BCO1: variants seen among roughly 807,000 people sequenced by gnomAD.
BCO1 encodes the protein beta-carotene oxygenase 1.
Under a neutral mutation model 56.3 loss-of-function variants are expected in BCO1, and 54 were observed. That is an observed-to-expected ratio of 0.96 (90% CI 0.77 to 1.20). BCO1 has a LOEUF of 1.20. BCO1 is among the 50% of genes most tolerant of loss of function. The pLI is 0.00. For synonymous variants in BCO1, 318 were observed against 266.1 expected (o/e 1.20, Z -1.90); for missense variants, 801 against 690.9 (o/e 1.16, Z -1.79).
In BCO1 at chr16:81,290,536, C is replaced by T. The variant is rs770313011; in HGVS notation, c.1603C>T (p.Arg535Trp). 1.2e-5 allele frequency: 19 copies of T among 1,613,996 alleles called. No homozygotes were observed. The highest frequency in any genetic ancestry group is 8.0e-5 in the African/African-American group (6 of 75,006). Reference protein sequence around the residue: ...TKKQAASEEQRDRASDCHGAP... With the variant: ...TKKQAASEEQWDRASDCHGAP... ...AAAGCAGGCCGCTTCTGAGGAACAG[C>T]GGGACAGGGCTTCCGACTGCCACGG... is the stretch of plus-strand genomic sequence containing the variant. Residue 535 changes from arginine to tryptophan, a missense_variant, in exon 11 of 11, where the codon CGG (arginine) becomes TGG (tryptophan). Physicochemically the swap from Arg to Trp is moderately radical, Grantham distance 101. Transcript: ENST00000258168.
chr16:81,278,899 G>T (rs925841423), intron 7 of BCO1, among the ~76,000 whole-genome samples: 1 of 151,692 alleles, frequency 6.6e-6, no homozygotes, highest in Non-Finnish European at 1.5e-5. Context: ...GGACCCTTGC[G>T]GTTCAGCTGC....
rs895158663 is a variant in BCO1 at position 81,270,848 on chromosome 16, C to T, written c.1101+432C>T. ...CAAGCTCCACCTCCCAGGCTCACGC[C>T]ATTCTCCTGCCTCAGCCTCTGGAGT... On this transcript the variant is annotated intron_variant, in intron 7 of 10. Coordinates refer to ENST00000258168, the MANE Select transcript of BCO1 (RefSeq NM_017429.3). Among the ~76,000 whole-genome samples, 22 of 152,096 alleles carry T rather than the reference C, an allele frequency of 1.4e-4. No homozygotes were observed. In the South Asian group the frequency reaches 4.4e-3, roughly 30 times the overall value.
At position 81,277,046 on chromosome 16, in the gene BCO1, A is replaced by G. The variant is rs1290265979; in HGVS notation, c.1102-3811A>G. Among the ~76,000 whole-genome samples, 5 of 146,204 alleles carry G rather than the reference A, an allele frequency of 3.4e-5. No homozygotes were observed. The South Asian group carries it at 8.9e-4, about 26-fold the overall frequency. On this transcript the variant is annotated intron_variant, in intron 7 of 10. Coordinates refer to ENST00000258168, the MANE Select transcript of BCO1 (RefSeq NM_017429.3). ...CGTGCCACCGTATTCCGCCTGGATG[A>G]CAGAGTGAGACTCGGTCTCAAAAAA...
rs1463784990 is a variant in BCO1, at chr16:81,262,296, A to G, written c.471+13A>G. ...AACCCTGGAGAAGGTATCAACACAT[A>G]TGTAACCAGCATCACTTCCTGACTC... On this transcript the variant is annotated intron_variant, in intron 4 of 10. Transcript: ENST00000258168. 1 of 1,610,300 alleles carries G rather than the reference A, an allele frequency of 6.2e-7. No individual in the cohort carries two copies. Among genetic ancestry groups the G allele is most frequent in the South Asian group, 1.1e-5 (1 of 90,996 alleles).
At chr16:81,280,269 CAAAAAAAAAAAAAAAAAAAA>C (rs58607661) in intron 7 of BCO1, among the ~76,000 whole-genome samples, 11 of 36,906 alleles carry the variant, frequency 3.0e-4, no homozygotes, top group Admixed American at 5.7e-4. Flanking sequence ...GACTCCATCT[CAAAAAAAAAAAAAAAAAAAA>C]AAAAAAAAAA....
At chr16:81,248,142 C>T (rs1346267202) in intron 2 of BCO1, among the ~76,000 whole-genome samples, 1 of 152,148 alleles carries the variant, frequency 6.6e-6, no homozygotes, top group Admixed American at 6.5e-5. Context: ...TGGCTCACAC[C>T]TGTATTCCCA....
chr16:81,280,909 C>G lies in BCO1; in HGVS notation c.1154C>G (p.Ala385Gly). Residue 385 changes from alanine (A) to glycine (G), a missense_variant, in exon 8 of 11, where the codon GCC becomes GGC. Physicochemically the swap from Ala to Gly is moderately conservative, Grantham distance 60 (BLOSUM62 0). Transcript: ENST00000258168. ...LIKVASTTAT[A>G]LKEEDGQVYC... is the part of the protein sequence containing the mutation. The stretch of plus-strand genomic sequence containing the variant: ...AAAGTGGCATCTACAACAGCCACGG[C>G]CCTGAAGGAAGAAGATGGCCAAGTC... 1 of 1,614,076 alleles carries G rather than the reference C, an allele frequency of 6.2e-7. No homozygotes were observed.
intron 10 of BCO1, among the ~76,000 whole-genome samples, chr16:81,288,061 G>C (rs1030629491): frequency 6.6e-6 from 1 of 152,064 alleles, no homozygotes; most frequent in Admixed American, 6.6e-5. Context: ...AAGGCCCCCA[G>C]GTATACAAAG....
intron 2 of BCO1, 126 bp from the exon 3 acceptor site, chr16:81,259,550 C>A: frequency 1.9e-6 from 2 of 1,040,302 alleles, no homozygotes; most frequent in Non-Finnish European, 3.0e-6. Flanking sequence ...GCCCTGTGTA[C>A]TAAAGGAGCT....
intron 2 of BCO1, among the ~76,000 whole-genome samples, chr16:81,259,247 A>ACT (rs1460420013): frequency 6.6e-5 from 10 of 152,314 alleles, no homozygotes; most frequent in Admixed American, 6.5e-4. Context: ...TAATTTCAGC[A>ACT]CTTTGGGAGG....
At chr16:81,266,151 A>G (rs959482943) in intron 5 of BCO1, among the ~76,000 whole-genome samples, 40 of 152,282 alleles carry the variant, frequency 2.6e-4, no homozygotes, top group African/African-American at 9.1e-4. Context: ...AGGGCTGTTT[A>G]GGGAGCTCAG....
intron 9 of BCO1, among the ~76,000 whole-genome samples, chr16:81,285,971 C>T (rs1189953951): frequency 6.6e-6 from 1 of 152,132 alleles, no homozygotes; most frequent in Non-Finnish European, 1.5e-5. Context: ...AACTCACCCT[C>T]TCCAGCAGAG....
chr16:81,239,462 T>G (rs955946455), intron 1 of BCO1, among the ~76,000 whole-genome samples: 3 of 152,102 alleles, frequency 2.0e-5, no homozygotes, highest in African/African-American at 7.2e-5. Flanking sequence ...ACATTATAAC[T>G]CCGTTTGCAA....
intron 7 of BCO1, 92 bp downstream of exon 7, chr16:81,270,508 T>C: frequency 2.0e-6 from 3 of 1,535,648 alleles, no homozygotes; most frequent in Non-Finnish European, 2.7e-6. Flanking sequence ...GACATTGAAA[T>C]CCAAATGAAC....
At chr16:81,276,403 C>A (rs575950243) in intron 7 of BCO1, among the ~76,000 whole-genome samples, 1 of 152,190 alleles carries the variant, frequency 6.6e-6, no homozygotes, top group African/African-American at 2.4e-5. Context: ...AAGGGCCCAG[C>A]CTTGCTTCCA....
At chr16:81,244,126 C>A (rs1905261607) in intron 1 of BCO1, among the ~76,000 whole-genome samples, 1 of 152,212 alleles carries the variant, frequency 6.6e-6, no homozygotes, top group South Asian at 2.1e-4. Context: ...CAGTCAGAAC[C>A]AAGCACTCAG....
At chr16:81,240,001 AT>A (rs752288820) in intron 1 of BCO1, among the ~76,000 whole-genome samples, 24 of 152,088 alleles carry the variant, frequency 1.6e-4, no homozygotes, top group East Asian at 9.7e-4. Context: ...ACTGTGAGTG[AT>A]TTTCGTGAGA....
intron 2 of BCO1, among the ~76,000 whole-genome samples, chr16:81,256,204 T>C (rs1906127541): frequency 6.6e-6 from 1 of 150,934 alleles, no homozygotes; most frequent in South Asian, 2.2e-4. Flanking sequence ...ATAACACACA[T>C]CAAGTGCCCA....
chr16:81,261,869 G>C, intron 3 of BCO1: 1 of 390,766 alleles, frequency 2.6e-6, no homozygotes, highest in Non-Finnish European at 4.9e-6. Context: ...AGCCTCCCGA[G>C]TAGCTGGGAC....
Sources: gnomAD v4.1 joint callset for allele counts (sites outside exome capture counted in the v4.1 genomes callset) on GRCh38, gnomAD v4.1.1 for gene constraint, MANE v1.5 for transcripts, NCBI Gene and HGNC (gene_info 2026-07-23, HGNC 2026-07-21) for gene names.